The following FGF14 variants were observed in gnomAD, a reference collection of about 807,000 sequenced individuals.
The protein encoded by FGF14 is fibroblast growth factor 14.
In FGF14, 5 loss-of-function variants were observed where a neutral mutation model predicts 25.5. The observed-to-expected ratio is 0.20, with a 90% confidence interval of 0.10 to 0.41. The LOEUF is 0.41. Among genes scored for constraint, FGF14 ranks in the 10% least tolerant of loss-of-function variants. The pLI is 1.00. For missense variants in FGF14, 222 were observed against 320.1 expected (o/e 0.69, Z 2.34); for synonymous variants, 138 against 118.3 (o/e 1.17, Z -1.08).
chr13:102,188,946 GAGAA>G (rs71125054), intron 1 of FGF14, among the ~76,000 whole-genome samples: 2,792 of 90,886 alleles, frequency 0.031, 97 homozygotes, highest in Non-Finnish European at 0.045. Context: ...AAAGAAAGGA[GAGAA>G]AGAAAGAAAG....
intron 3 of FGF14, among the ~76,000 whole-genome samples, chr13:101,792,727 TGAG>T (rs2040307561): frequency 6.6e-6 from 1 of 152,138 alleles, no homozygotes; most frequent in Admixed American, 6.6e-5. Flanking sequence ...CATTTAAAAA[TGAG>T]GAGAATTCAC....
intron 1 of FGF14, among the ~76,000 whole-genome samples, chr13:102,344,841 CCTAAAATATCATA>C (rs2057056576): frequency 6.6e-6 from 1 of 152,134 alleles, no homozygotes; most frequent in Non-Finnish European, 1.5e-5. Flanking sequence ...ATCTACGTGG[CCTAAAATATCATA>C]CAAAGGTATG....
chr13:102,227,861 C>T (rs1429938832), intron 1 of FGF14, among the ~76,000 whole-genome samples: 2 of 152,162 alleles, frequency 1.3e-5, no homozygotes, highest in African/African-American at 4.8e-5. Flanking sequence ...TACATACCAT[C>T]TGGCGTCTTG....
intron 1 of FGF14, among the ~76,000 whole-genome samples, chr13:102,082,907 G>T: frequency 6.6e-6 from 1 of 151,898 alleles, no homozygotes. Context: ...GCAGTGAGCC[G>T]AGATCCCGCC....
At chr13:102,117,110 G>A (rs1434137761) in intron 1 of FGF14, among the ~76,000 whole-genome samples, 3 of 152,150 alleles carry the variant, frequency 2.0e-5, no homozygotes, top group South Asian at 2.1e-4. Context: ...CAGCTGTTCC[G>A]AGCTTCTTGT....
chr13:102,164,928 T>C (rs1238330143), intron 1 of FGF14, among the ~76,000 whole-genome samples: 1 of 152,168 alleles, frequency 6.6e-6, no homozygotes, highest in African/African-American at 2.4e-5. Flanking sequence ...AATATGAAAG[T>C]AATTGAAAAG....
intron 1 of FGF14, among the ~76,000 whole-genome samples, chr13:101,944,802 A>C (rs1581752): frequency 0.25 from 37,914 of 152,084 alleles, 7,952 homozygotes; most frequent in African/African-American, 0.57. Context: ...ACAAATATTG[A>C]ATGATTCCCC....
chr13:102,303,352 ACTTTGTATTGTTGTG>A (rs1167844719), intron 1 of FGF14, among the ~76,000 whole-genome samples: 2 of 152,192 alleles, frequency 1.3e-5, no homozygotes, highest in Non-Finnish European at 2.9e-5. Flanking sequence ...CATCTTAAAC[ACTTTGTATTGTTGTG>A]CTTACTTTAT....
At chr13:102,185,228 CATA>C (rs2140778947) in intron 1 of FGF14, among the ~76,000 whole-genome samples, 1 of 152,146 alleles carries the variant, frequency 6.6e-6, no homozygotes, top group Admixed American at 6.5e-5. Context: ...ACATAATCAT[CATA>C]ATAAGAAAAA....
At chr13:101,951,796 C>A (rs2139394877) in intron 1 of FGF14, among the ~76,000 whole-genome samples, 1 of 152,288 alleles carries the variant, frequency 6.6e-6, no homozygotes, top group African/African-American at 2.4e-5. Flanking sequence ...GCAGCATCAT[C>A]ATTTATCATT....
chr13:102,029,486 A>G (rs2041102023), intron 1 of FGF14, among the ~76,000 whole-genome samples: 1 of 152,118 alleles, frequency 6.6e-6, no homozygotes, highest in African/African-American at 2.4e-5. Context: ...AACTTGAGCC[A>G]GTATAGCATC....
chr13:101,981,544 G>A (rs2038265093), intron 1 of FGF14, among the ~76,000 whole-genome samples: 1 of 152,126 alleles, frequency 6.6e-6, no homozygotes. Context: ...GTTAGGTGGG[G>A]CCTAACCAAC....
At chr13:101,964,535 A>T (rs780374082) in intron 1 of FGF14, among the ~76,000 whole-genome samples, 6 of 152,146 alleles carry the variant, frequency 3.9e-5, no homozygotes, top group Non-Finnish European at 8.8e-5. Context: ...CATCATTGTG[A>T]TATCACACAA....
At chr13:102,220,144 T>C (rs937838646) in intron 1 of FGF14, among the ~76,000 whole-genome samples, 1 of 152,164 alleles carries the variant, frequency 6.6e-6, no homozygotes, top group Admixed American at 6.5e-5. Flanking sequence ...CTGTATTTAG[T>C]CTTTTTGAAT....
chr13:101,806,859 G>A (rs918379388), intron 3 of FGF14, among the ~76,000 whole-genome samples: 1 of 152,032 alleles, frequency 6.6e-6, no homozygotes, highest in Non-Finnish European at 1.5e-5. Context: ...TATTGTTCCT[G>A]AAAAGAATCC....
intron 1 of FGF14, among the ~76,000 whole-genome samples, chr13:102,006,625 T>C (rs61966485): frequency 0.031 from 4,655 of 151,526 alleles, 93 homozygotes; most frequent in Non-Finnish European, 0.046. Flanking sequence ...AAACTGAATT[T>C]TGAAAGACAC....
chr13:101,900,312 A>C (rs951498491), intron 1 of FGF14, among the ~76,000 whole-genome samples: 3 of 152,152 alleles, frequency 2.0e-5, no homozygotes, highest in Non-Finnish European at 4.4e-5. Context: ...TAAAGGAATT[A>C]AAAACAAATA....
intron 1 of FGF14, among the ~76,000 whole-genome samples, chr13:102,198,942 C>T (rs1449957679): frequency 1.1e-4 from 17 of 152,180 alleles, no homozygotes; most frequent in Non-Finnish European, 2.5e-4. Flanking sequence ...TCTAAAACTA[C>T]GACTGCCTCA....
chr13:102,303,149 G>A (rs190530303), intron 1 of FGF14, among the ~76,000 whole-genome samples: 14 of 152,224 alleles, frequency 9.2e-5, no homozygotes, highest in African/African-American at 2.4e-4. Flanking sequence ...GCATCTCTGC[G>A]CTGGCTGCTC....
Sources: allele counts gnomAD v4.1 joint callset (sites outside exome capture counted in the v4.1 genomes callset), GRCh38; gene constraint gnomAD v4.1.1; transcripts MANE v1.5; gene names NCBI Gene and HGNC (gene_info 2026-07-23, HGNC 2026-07-21).